Variants in MYH15 observed in about 807,000 individuals in gnomAD.
The protein encoded by MYH15 is myosin-15.
A neutral mutation model predicts 240.5 loss-of-function variants in MYH15; 227 were observed. The observed-to-expected ratio is 0.94, with a 90% CI of 0.85 to 1.05. MYH15 has a LOEUF of 1.05. MYH15 is among the 50% of genes least tolerant of loss of function. MYH15 has a pLI of 0.00. For missense variants in MYH15, 2,217 were observed against 2,247.5 expected (o/e 0.99, Z 0.27); for synonymous variants, 785 against 796.7 (o/e 0.99, Z 0.25).
At chr3:108,498,347 G>A (rs1416269296) in intron 5 of MYH15, among the ~76,000 whole-genome samples, 1 of 152,176 alleles carries the variant, frequency 6.6e-6, no homozygotes, top group Non-Finnish European at 1.5e-5. Flanking sequence ...AACAGCATGA[G>A]CAAAAATCTG....
chr3:108,550,001 T>A, the MYH15 span: 1 of 152,014 alleles, frequency 6.6e-6, no homozygotes, highest in Non-Finnish European at 1.5e-5. Flanking sequence ...TTTAAAATGT[T>A]TTACTCTGCA....
At chr3:108,532,162 T>C (rs988468792), upstream of MYH15, among the ~76,000 whole-genome samples, 11 of 151,948 alleles carry the variant, frequency 7.2e-5, no homozygotes, top group African/African-American at 2.7e-4. Flanking sequence ...CAGTTAAATT[T>C]TTGTCTTGAC....
At chr3:108,433,704 G>A (rs1231413045) in intron 25 of MYH15, among the ~76,000 whole-genome samples, 1 of 152,102 alleles carries the variant, frequency 6.6e-6, no homozygotes, top group African/African-American at 2.4e-5. Context: ...CTCTGTTTTT[G>A]CCTGCCGCCA....
intron 9 of MYH15, among the ~76,000 whole-genome samples, chr3:108,491,538 C>T (rs1394935417): frequency 6.6e-6 from 1 of 152,112 alleles, no homozygotes; most frequent in Non-Finnish European, 1.5e-5. Context: ...TTTCCCCCAC[C>T]CTTCCATTCT....
chr3:108,444,236 C>T (rs191682450), intron 22 of MYH15, among the ~76,000 whole-genome samples: 1 of 151,708 alleles, frequency 6.6e-6, no homozygotes, highest in East Asian at 1.9e-4. Flanking sequence ...GCAGGGAGAC[C>T]AAAATCAGGA....
intron 1 of MYH15, among the ~76,000 whole-genome samples, chr3:108,523,196 C>A (rs537691588): frequency 6.6e-6 from 1 of 151,970 alleles, no homozygotes; most frequent in East Asian, 1.9e-4. Context: ...AATAAAAGTT[C>A]CAAATTGGCT....
the MYH15 span, among the ~76,000 whole-genome samples, chr3:108,536,271 AC>A: frequency 1.2e-4 from 18 of 152,140 alleles, no homozygotes; most frequent in Admixed American, 6.5e-4. Context: ...CCTCAAAAAA[AC>A]AAAACAAAAC....
rs567371171 is a variant in MYH15, at chr3:108,499,615, G to C, written c.497-133C>G. 39 of 847,926 alleles carry C rather than the reference G, an allele frequency of 4.6e-5. No individual in the cohort carries two copies. The African/African-American group carries it at 6.5e-4, about 14-fold the overall frequency. 52.5% of individuals were successfully genotyped at this position (847,926 alleles called of 1,614,324 possible). A position where few individuals can be genotyped will look rare whatever the true frequency, so the allele number is the denominator to read the frequency against. On this transcript the variant is annotated intron_variant, in intron 4 of 40. Transcript: ENST00000693548. ...AAAGGATTAGCATCATTTATAGTTA[G>C]AAAAACATACCCCTCAAATGGTACA...
chr3:108,435,834 G>GTATA (rs1236683257), intron 25 of MYH15, among the ~76,000 whole-genome samples: 2 of 132,632 alleles, frequency 1.5e-5, no homozygotes, highest in African/African-American at 5.6e-5. Flanking sequence ...ATATGTATAT[G>GTATA]TATACACACA....
At chr3:108,535,826 C>T in the MYH15 span, among the ~76,000 whole-genome samples, 1 of 152,132 alleles carries the variant, frequency 6.6e-6, no homozygotes, top group Admixed American at 6.5e-5. Flanking sequence ...CAAACAAAAA[C>T]CACACACACA....
intron 23 of MYH15, among the ~76,000 whole-genome samples, chr3:108,440,391 T>C (rs2082875535): frequency 6.6e-6 from 1 of 152,146 alleles, no homozygotes; most frequent in Admixed American, 6.5e-5. Flanking sequence ...ATCAGGCCCA[T>C]GTGCTTTTTA....
chr3:108,394,714 G>A (rs1031273564), intron 35 of MYH15, among the ~76,000 whole-genome samples: 2 of 152,148 alleles, frequency 1.3e-5, no homozygotes, highest in Non-Finnish European at 2.9e-5. Context: ...TCATTACCAC[G>A]GAGGATTCTT....
At chr3:108,405,623 A>G (rs1357815289) in intron 32 of MYH15, among the ~76,000 whole-genome samples, 170 bp from the exon 33 acceptor site, 1 of 152,212 alleles carries the variant, frequency 6.6e-6, no homozygotes, top group Non-Finnish European at 1.5e-5. Flanking sequence ...AACTGCTTTC[A>G]TTTGTCATTT....
intron 22 of MYH15, among the ~76,000 whole-genome samples, chr3:108,444,298 T>C (rs924416468): frequency 6.6e-6 from 1 of 152,128 alleles, no homozygotes; most frequent in Admixed American, 6.6e-5. Context: ...GTCAAGCTTT[T>C]CTTGGGACCT....
chr3:108,492,201 T>TACACACAC (rs10662107), intron 9 of MYH15, among the ~76,000 whole-genome samples: 2,472 of 147,900 alleles, frequency 0.017, 24 homozygotes, highest in Non-Finnish European at 0.023. Flanking sequence ...AATGCTTTTA[T>TACACACAC]ACACACACAC....
At chr3:108,503,258 G>A (rs748524979) in intron 2 of MYH15, among the ~76,000 whole-genome samples, 35 of 152,168 alleles carry the variant, frequency 2.3e-4, no homozygotes, top group Non-Finnish European at 3.7e-4. Flanking sequence ...ATCACCTTAA[G>A]TGCTGTTGAA....
At chr3:108,451,316 G>C (rs1006267017) in intron 21 of MYH15, among the ~76,000 whole-genome samples, 1 of 152,070 alleles carries the variant, frequency 6.6e-6, no homozygotes, top group African/African-American at 2.4e-5. Context: ...GGAGGCAGAG[G>C]TTGCAGTGAC....
intron 21 of MYH15, among the ~76,000 whole-genome samples, chr3:108,452,133 C>G (rs1049157893): frequency 1.3e-5 from 2 of 152,108 alleles, no homozygotes; most frequent in Non-Finnish European, 2.9e-5. Context: ...CAAGGGGACT[C>G]TCATACATTG....
At chr3:108,450,570 CA>C (rs2082963460) in intron 21 of MYH15, among the ~76,000 whole-genome samples, 1 of 152,100 alleles carries the variant, frequency 6.6e-6, no homozygotes, top group African/African-American at 2.4e-5. Context: ...AGATGTTGCT[CA>C]AAGGACACAA....
Sources: allele counts gnomAD v4.1 joint callset (sites outside exome capture counted in the v4.1 genomes callset), GRCh38; gene constraint gnomAD v4.1.1; transcripts MANE v1.5; gene names NCBI Gene and HGNC (gene_info 2026-07-23, HGNC 2026-07-21).